SRF: variants seen among roughly 807,000 people sequenced by gnomAD.
The protein encoded by SRF is c-fos serum response element-binding transcription factor.
Under a neutral mutation model 37.1 loss-of-function variants are expected in SRF, and 7 were observed. That is an observed-to-expected ratio of 0.19 (90% CI 0.11 to 0.35). The LOEUF is 0.35. Among genes scored for constraint, SRF ranks in the 10% least tolerant of loss-of-function variants. The pLI is 1.00. For synonymous variants in SRF, 285 were observed against 310.1 expected, an observed-to-expected ratio of 0.92 and a Z score of 0.85; for missense variants, 395 against 694.4, an observed-to-expected ratio of 0.57 and a Z score of 4.85.
Position 43,171,472 on chromosome 6 carries a change from C to T in SRF, c.-185C>T. Reference sequence around the variant, plus strand: ...CCTGGGGCAACCCGGGCCACAGGGGCAGGAAAGTGAGGGCCCAGGTCGGCC... The same window carrying T: ...CCTGGGGCAACCCGGGCCACAGGGGTAGGAAAGTGAGGGCCCAGGTCGGCC... On this transcript the variant is annotated 5_prime_UTR_variant, in exon 1 of 7. Transcript: ENST00000265354. This position sits in a 1 kb window ranked among gnomAD's most constrained non-coding sequence, Gnocchi z 6.5. 1 of 522,866 alleles carries T rather than the reference C, an allele frequency of 1.9e-6. No homozygotes were observed. Among genetic ancestry groups the T allele is most frequent in the Non-Finnish European group, 2.8e-6 (1 of 363,256 alleles). The allele number at this position is 522,866 out of a possible 1,614,324, so 32.4% of individuals were successfully genotyped here.
In SRF at chr6:43,173,827, T is replaced by C; in HGVS notation, c.514-20T>C. ...GATAAAAAGTTTGCTGACCTGCCCA[T>C]CTCCCTCCTCACCCCTCAGGCCTAT... On this transcript the variant is annotated intron_variant, in intron 1 of 6. Coordinates refer to ENST00000265354, the MANE Select transcript of SRF (RefSeq NM_003131.4). The surrounding 1 kb of genome is among the most constrained non-coding windows in gnomAD (Gnocchi z 4.2). 1 of 1,606,334 alleles carries C rather than the reference T, an allele frequency of 6.2e-7. No individual in the cohort carries two copies. The highest frequency in any genetic ancestry group is 8.5e-7 in the Non-Finnish European group (1 of 1,174,422).
chr6:43,172,278 C>T lies in SRF; in HGVS notation c.513+109C>T. 2.0e-6 allele frequency: 3 copies of T among 1,466,192 alleles called. No individual in the cohort carries two copies. The highest frequency in any genetic ancestry group is 1.3e-5 in the South Asian group (1 of 76,418). 90.8% of individuals were successfully genotyped at this position (1,466,192 alleles called of 1,614,324 possible). On this transcript the variant is annotated intron_variant, in intron 1 of 6. Coordinates refer to ENST00000265354, the MANE Select transcript of SRF (RefSeq NM_003131.4). The surrounding 1 kb of genome is among the most constrained non-coding windows in gnomAD (Gnocchi z 5.7). The stretch of plus-strand genomic sequence containing the variant: ...AGGCGGAGGTGAGAGGCTGCGAGTC[C>T]GCAGGAGGTGTGTGGGAGGGGATGG...
rs544658252 is a variant in SRF, at chr6:43,177,228, G to GTTTTTTT, written c.1162+572_1162+578dup. Among the ~76,000 whole-genome samples, 10 of 116,846 alleles carry GTTTTTTT rather than the reference G, an allele frequency of 8.6e-5. 1 individual carries two copies. Among genetic ancestry groups the GTTTTTTT allele is most frequent in the East Asian group, 2.7e-4 (1 of 3,718 alleles). 76.7% of individuals were successfully genotyped at this position (116,846 alleles called of 152,430 possible). ...CCCCAAACCTAGTGAATCGGAGTCTGTTTTTTTTTTTTTTTTTGAGACGGA... is the reference window on the plus strand; with the variant it reads ...CCCCAAACCTAGTGAATCGGAGTCTGTTTTTTTTTTTTTTTTTTTTTTTTGAGACGGA... On this transcript the variant is annotated intron_variant, in intron 4 of 6. Transcript: ENST00000265354.
intron 2 of SRF, among the ~76,000 whole-genome samples, chr6:43,175,369 AT>A (rs1361472711): frequency 6.6e-6 from 1 of 152,208 alleles, no homozygotes; most frequent in Non-Finnish European, 1.5e-5. Flanking sequence ...AACTCAGGGG[AT>A]TATAATAATG....
intron 2 of SRF, among the ~76,000 whole-genome samples, chr6:43,175,181 CTT>C (rs1239013467): frequency 1.3e-5 from 2 of 152,136 alleles, no homozygotes; most frequent in Non-Finnish European, 2.9e-5. Flanking sequence ...TGGAAGAACT[CTT>C]TGAAAGAAAA....
In SRF at chr6:43,178,996, C is replaced by T; in HGVS notation, c.1432-99C>T. On this transcript the variant is annotated intron_variant, in intron 6 of 6. Coordinates refer to ENST00000265354, the MANE Select transcript of SRF (RefSeq NM_003131.4). This position sits in a 1 kb window ranked among gnomAD's most constrained non-coding sequence, Gnocchi z 4.3. ...AATCCCTAGCCTGGAAGCCCATCTG[C>T]TTTTCTGCTCAGGCCTGTGGTTGGC... The T allele has an allele frequency of 6.4e-7, 1 of 1,569,770 alleles. No individual in the cohort carries two copies. The highest frequency in any genetic ancestry group is 8.8e-7 in the Non-Finnish European group (1 of 1,140,606).
rs1189109491 is a variant in SRF at position 43,172,943 on chromosome 6, G to GT, written c.513+775dup. Among the ~76,000 whole-genome samples, 2 of 152,214 alleles carry GT rather than the reference G, an allele frequency of 1.3e-5. No individual in the cohort carries two copies. The highest frequency in any genetic ancestry group is 2.9e-5 in the Non-Finnish European group (2 of 68,038). On this transcript the variant is annotated intron_variant, in intron 1 of 6. Coordinates refer to ENST00000265354, the MANE Select transcript of SRF (RefSeq NM_003131.4). The surrounding 1 kb of genome is among the most constrained non-coding windows in gnomAD (Gnocchi z 5.7). ...TTCCTCTTCTGCCAGCCAGTGAAAA[G>GT]TGTTGAGGAAAGGAGTCATTTTGGG...
chr6:43,178,617 C>A lies in SRF; in HGVS notation c.1354+132C>A. On this transcript the variant is annotated intron_variant, in intron 5 of 6. Coordinates refer to ENST00000265354, the MANE Select transcript of SRF (RefSeq NM_003131.4). This position sits in a 1 kb window ranked among gnomAD's most constrained non-coding sequence, Gnocchi z 4.3. ...CCCAAATACAACACAGACTTGGATG[C>A]TCACACACACATTTGGACACCCCAC... 1.5e-6 allele frequency: 2 copies of A among 1,327,970 alleles called. No homozygotes were observed. Among genetic ancestry groups the A allele is most frequent in the Non-Finnish European group, 2.1e-6 (2 of 951,218 alleles). 82.3% of individuals were successfully genotyped at this position (1,327,970 alleles called of 1,614,324 possible).
In SRF at chr6:43,172,495, G is replaced by A. The variant is rs1772127931; in HGVS notation, c.513+326G>A. The A allele has an allele frequency of 2.0e-6, 2 of 981,870 alleles. No homozygotes were observed. Among genetic ancestry groups the A allele is most frequent in the Admixed American group, 6.1e-5 (1 of 16,268 alleles). 60.8% of individuals were successfully genotyped at this position (981,870 alleles called of 1,614,324 possible). A position where few individuals can be genotyped will look rare whatever the true frequency, so the allele number is the denominator to read the frequency against. The stretch of plus-strand genomic sequence containing the variant: ...AGGCTACGAGGCTGCCGGGGAGGTG[G>A]ATAATGAGAACCCGGGATCAGTAGG... On this transcript the variant is annotated intron_variant, in intron 1 of 6. Coordinates refer to ENST00000265354, the MANE Select transcript of SRF (RefSeq NM_003131.4). This position sits in a 1 kb window ranked among gnomAD's most constrained non-coding sequence, Gnocchi z 5.7.
rs1485595505 is a variant in SRF, at chr6:43,173,124, A to G, written c.514-723A>G. Among the ~76,000 whole-genome samples the G allele has an allele frequency of 6.6e-6, 1 of 152,094 alleles. No homozygotes were observed. Among genetic ancestry groups the G allele is most frequent in the Non-Finnish European group, 1.5e-5 (1 of 68,020 alleles). On this transcript the variant is annotated intron_variant, in intron 1 of 6. Transcript: ENST00000265354. This position sits in a 1 kb window ranked among gnomAD's most constrained non-coding sequence, Gnocchi z 4.2. ...ACTTTGTTGGGAGAGTATGGCATCT[A>G]TGGGGCCATCCTTGAAGGTCCCCTT...
Position 43,172,203 on chromosome 6 carries a change from C to T in SRF, c.513+34C>T, listed in dbSNP as rs779384289. 51 of 1,593,198 alleles carry T rather than the reference C, an allele frequency of 3.2e-5. No individual in the cohort carries two copies. The Admixed American group carries it at 3.3e-4, about 10-fold the overall frequency. On this transcript the variant is annotated intron_variant, in intron 1 of 6. Coordinates refer to ENST00000265354, the MANE Select transcript of SRF (RefSeq NM_003131.4). The surrounding 1 kb of genome is among the most constrained non-coding windows in gnomAD (Gnocchi z 5.7). ...CCGGGGGGCTGGCCGGCCCCGGGGC[C>T]CGGTTGGGGTGGGGATGTGCAAAGG... is the stretch of plus-strand genomic sequence containing the variant.
In SRF at chr6:43,175,964, C is replaced by T. The variant is rs1772190622; in HGVS notation, c.1039C>T (p.Pro347Ser). The T allele has an allele frequency of 6.2e-7, 1 of 1,610,802 alleles. No homozygotes were observed. The highest frequency in any genetic ancestry group is 1.7e-5 in the Admixed American group (1 of 59,982). Reference sequence around the variant, plus strand: ...GCTGCCTACCAGCTTCACCCTCATGCCTGGTGAGTCACGAGGGGCAGGGAG... The same window carrying T: ...GCTGCCTACCAGCTTCACCCTCATGTCTGGTGAGTCACGAGGGGCAGGGAG... Reference protein sequence around the residue: ...MQLPTSFTLMPGGAVAQQVPV... With the variant: ...MQLPTSFTLMSGGAVAQQVPV... Residue 347 changes from proline to serine, a missense_variant, in exon 3 of 7, where the codon CCT (proline) becomes TCT (serine). Transcript: ENST00000265354.
chr6:43,178,702 T>C lies in SRF; in HGVS notation c.1355-104T>C. The C allele has an allele frequency of 7.3e-7, 1 of 1,377,096 alleles. No homozygotes were observed. The allele number at this position is 1,377,096 out of a possible 1,614,324, so 85.3% of individuals were successfully genotyped here. Reference sequence around the variant, plus strand: ...ACTGGCACCCTTTCCCTTGGGCTCTTACATCTGAGACTGCCCCAGTCACTT... The same window carrying C: ...ACTGGCACCCTTTCCCTTGGGCTCTCACATCTGAGACTGCCCCAGTCACTT... On this transcript the variant is annotated intron_variant, in intron 5 of 6. Transcript: ENST00000265354. The surrounding 1 kb of genome is among the most constrained non-coding windows in gnomAD (Gnocchi z 4.3).
Position 43,178,170 on chromosome 6 carries a change from A to T in SRF, c.1163-124A>T. The T allele has an allele frequency of 1.1e-6, 1 of 902,700 alleles. No individual in the cohort carries two copies. Among genetic ancestry groups the T allele is most frequent in the Non-Finnish European group, 1.6e-6 (1 of 621,034 alleles). 55.9% of individuals were successfully genotyped at this position (902,700 alleles called of 1,614,324 possible). A position where few individuals can be genotyped will look rare whatever the true frequency, so the allele number is the denominator to read the frequency against. On this transcript the variant is annotated intron_variant, in intron 4 of 6. Coordinates refer to ENST00000265354, the MANE Select transcript of SRF (RefSeq NM_003131.4). This position sits in a 1 kb window ranked among gnomAD's most constrained non-coding sequence, Gnocchi z 4.3. ...TTAGTTGATGATGGAGCTGAGGAATAGTCGTGTCTAGCTTCTGACCTGGGA... is the reference window on the plus strand; with the variant it reads ...TTAGTTGATGATGGAGCTGAGGAATTGTCGTGTCTAGCTTCTGACCTGGGA...
chr6:43,178,366 C>T lies in SRF; in HGVS notation c.1235C>T (p.Pro412Leu). Residue 412 changes from proline to leucine, a missense_variant, in exon 5 of 7, where the codon CCG (proline) becomes CTG (leucine). Coordinates refer to ENST00000265354, the MANE Select transcript of SRF (RefSeq NM_003131.4). The surrounding 1 kb of genome is among the most constrained non-coding windows in gnomAD (Gnocchi z 4.3). ...TVGGHMMYPSPHAVMYAPTSG... is the reference protein window; with the variant it reads ...TVGGHMMYPSLHAVMYAPTSG... ...GGTGGCCACATGATGTACCCTAGCC[C>T]GCATGCGGTGATGTATGCCCCCACC... 1 of 1,614,052 alleles carries T rather than the reference C, an allele frequency of 6.2e-7. No homozygotes were observed. The highest frequency in any genetic ancestry group is 8.5e-7 in the Non-Finnish European group (1 of 1,180,028).
Position 43,179,189 on chromosome 6 carries a change from G to C in SRF, c.1526G>C (p.Ter509SerextTer29). 1 of 1,614,190 alleles carries C rather than the reference G, an allele frequency of 6.2e-7. No individual in the cohort carries two copies. Among genetic ancestry groups the C allele is most frequent in the Non-Finnish European group, 8.5e-7 (1 of 1,180,032 alleles). ...ACCGCCCACAGCACCAAGAGTGAAT[G>C]ATCCGCCCGCCGCCCTGGACAGATG... ...LDTAHSTKSE[*>S] is the part of the protein sequence containing the mutation. Residue 509 changes from the stop codon to serine, a stop_lost, in exon 7 of 7, where the codon TGA becomes TCA. Transcript: ENST00000265354. The surrounding 1 kb of genome is among the most constrained non-coding windows in gnomAD (Gnocchi z 5.3).
chr6:43,177,871 C>T (rs191887441), intron 4 of SRF, among the ~76,000 whole-genome samples: 265 of 147,612 alleles, frequency 1.8e-3, no homozygotes, highest in African/African-American at 6.4e-3. Context: ...GCCAAGATCG[C>T]GCCACTGCAC....
At chr6:43,174,210 T>A (rs1457523984) in intron 2 of SRF, 97 bp downstream of exon 2, 1 of 1,467,180 alleles carries the variant, frequency 6.8e-7, no homozygotes, top group Admixed American at 2.1e-5. Flanking sequence ...CGATGTGGAG[T>A]GGAGCCGGAT....
intron 2 of SRF, 83 bp from the exon 3 acceptor site, chr6:43,175,623 G>T: frequency 6.3e-7 from 1 of 1,576,010 alleles, no homozygotes; most frequent in South Asian, 1.1e-5. Flanking sequence ...ACTGGTTTCA[G>T]TCTGGGTTCT....
Sources: gnomAD v4.1 joint callset for allele counts (sites outside exome capture counted in the v4.1 genomes callset) on GRCh38, gnomAD v4.1.1 for gene constraint, Gnocchi (gnomAD v3.1) non-coding constraint, MANE v1.5 for transcripts, NCBI Gene and HGNC (gene_info 2026-07-23, HGNC 2026-07-21) for gene names.